Variants in CLCN6 observed in about 807,000 individuals in gnomAD.
The protein encoded by CLCN6 is Cl-/H+ antiporter 6.
A neutral mutation model predicts 109.8 loss-of-function variants in CLCN6; 70 were observed. The ratio of observed to expected loss-of-function variants is 0.64; its 90% confidence interval spans 0.53 to 0.78. The LOEUF is 0.78. Among genes scored for constraint, CLCN6 ranks in the 30% least tolerant of loss-of-function variants. CLCN6 has a pLI of 0.00. For missense variants in CLCN6, 984 were observed against 1,142.3 expected (o/e 0.86, Z 2.00); for synonymous variants, 444 against 447.8 (o/e 0.99, Z 0.11).
At chr1:11,828,358 G>T in intron 11 of CLCN6, 100 bp from the exon 12 acceptor site, 1 of 1,521,388 alleles carries the variant, frequency 6.6e-7, no homozygotes, top group South Asian at 1.1e-5. Flanking sequence ...CTGCCGTGCG[G>T]GAAAGCAGCC....
At chr1:11,837,549 G>A in intron 20 of CLCN6, 50 bp downstream of exon 20, 4 of 1,582,438 alleles carry the variant, frequency 2.5e-6, no homozygotes, top group Middle Eastern at 1.7e-4. Context: ...GACGAAGCTC[G>A]AGGGGTTGGG....
Position 11,816,674 on chromosome 1 carries a change from T to A in CLCN6, c.273T>A (p.Thr91=), listed in dbSNP as rs1383030482. ...WMVVFAIGVC[T]GLVGLFVDFF... ...TGGTGTTTGCCATTGGAGTCTGCAC[T>A]GGCCTGGTGAGGAGGCAGGGCCTGG... Residue 91 remains threonine (T), a synonymous_variant, in exon 4 of 23, where the codon ACT becomes ACA. Transcript: ENST00000346436. 1 of 1,612,576 alleles carries A rather than the reference T, an allele frequency of 6.2e-7. No individual in the cohort carries two copies. The highest frequency in any genetic ancestry group is 1.7e-5 in the Admixed American group (1 of 59,824).
At chr1:11,811,616 G>A (rs111889819) in intron 2 of CLCN6, among the ~76,000 whole-genome samples, 2 of 152,154 alleles carry the variant, frequency 1.3e-5, no homozygotes, top group African/African-American at 4.8e-5. Context: ...TCCTGGCCTC[G>A]GGTGATCCGC....
chr1:11,809,883 C>T lies in CLCN6; in HGVS notation c.147+2693C>T, dbSNP rs188897486. Among the ~76,000 whole-genome samples the T allele has an allele frequency of 4.4e-4, 67 of 152,288 alleles. 1 individual carries two copies. Among genetic ancestry groups the T allele is most frequent in the Admixed American group, 4.4e-3 (67 of 15,298 alleles). ...GTAAGAACAAATTCAGGCACTTAAACAGAAAAGTCTGGATTTTATTTATTC... is the reference window on the plus strand; with the variant it reads ...GTAAGAACAAATTCAGGCACTTAAATAGAAAAGTCTGGATTTTATTTATTC... On this transcript the variant is annotated intron_variant, in intron 2 of 22. Coordinates refer to ENST00000346436, the MANE Select transcript of CLCN6 (RefSeq NM_001286.5).
intron 6 of CLCN6, among the ~76,000 whole-genome samples, chr1:11,823,158 A>G (rs572011992): frequency 6.6e-6 from 1 of 152,320 alleles, no homozygotes; most frequent in Admixed American, 6.5e-5. Context: ...GCAATCCCTG[A>G]ACCTAAAATA....
intron 2 of CLCN6, among the ~76,000 whole-genome samples, chr1:11,809,372 C>T (rs1339585427): frequency 3.3e-5 from 5 of 152,162 alleles, no homozygotes; most frequent in African/African-American, 1.2e-4. Flanking sequence ...CACCCAGGCT[C>T]CCTCACCCCT....
chr1:11,806,314 T>A lies in CLCN6; in HGVS notation c.52T>A (p.Cys18Ser). 1.3e-6 allele frequency: 2 copies of A among 1,513,058 alleles called. No individual in the cohort carries two copies. The highest frequency in any genetic ancestry group is 8.7e-7 in the Non-Finnish European group (1 of 1,143,002). The allele number at this position is 1,513,058 out of a possible 1,614,324, so 93.7% of individuals were successfully genotyped here. ...CTGCTGCTGCAGGTGGTGCTGCTGC[T>A]GCGGTGAGCGTGAGACCCGCACCCC... ...LCCCCRWCCCCGERETRTPEE... is the reference protein window; with the variant it reads ...LCCCCRWCCCSGERETRTPEE... The change falls in exon 1 of 23, where the codon TGC becomes AGC. Residue 18 changes from cysteine (C) to serine (S), a missense_variant. Coordinates refer to ENST00000346436, the MANE Select transcript of CLCN6 (RefSeq NM_001286.5).
intron 13 of CLCN6, among the ~76,000 whole-genome samples, chr1:11,830,744 T>C (rs1358954282): frequency 9.6e-6 from 1 of 104,010 alleles, no homozygotes; most frequent in African/African-American, 3.6e-5. Flanking sequence ...ATATTATATA[T>C]ATATATATAT....
rs1644508786 is a variant in CLCN6 at position 11,806,353 on chromosome 1, A to G, written c.87+4A>G. 2 of 1,514,416 alleles carry G rather than the reference A, an allele frequency of 1.3e-6. No individual in the cohort carries two copies. The highest frequency in any genetic ancestry group is 2.7e-5 in the East Asian group (1 of 36,742). The allele number at this position is 1,514,416 out of a possible 1,614,324, so 93.8% of individuals were successfully genotyped here. A position where few individuals can be genotyped will look rare whatever the true frequency, so the allele number is the denominator to read the frequency against. On this transcript the variant is annotated splice_donor_region_variant and intron_variant, in intron 1 of 22. Coordinates refer to ENST00000346436, the MANE Select transcript of CLCN6 (RefSeq NM_001286.5). ...GACCCGCACCCCCGAGGAGCTGGTA[A>G]GAAGCCGGCGGAGTCGGCCTGGGGA... is the stretch of plus-strand genomic sequence containing the variant.
chr1:11,834,327 C>T lies in CLCN6; in HGVS notation c.1618C>T (p.Leu540Phe), dbSNP rs1221788114. 4.3e-6 allele frequency: 7 copies of T among 1,614,032 alleles called. No homozygotes were observed. The highest frequency in any genetic ancestry group is 1.3e-5 in the African/African-American group (1 of 74,906). ...CGGGGTGGTCCGCATGACCATCAGC[C>T]TCACGGTCATCCTGATCGAGTCCAC... ...LGGVVRMTIS[L>F]TVILIESTNE... The change falls in exon 16 of 23, where the codon CTC becomes TTC. Residue 540 changes from leucine to phenylalanine, a missense_variant. Physicochemically the swap from Leu to Phe is conservative, Grantham distance 22. Coordinates refer to ENST00000346436, the MANE Select transcript of CLCN6 (RefSeq NM_001286.5). This position sits in a 1 kb window ranked among gnomAD's most constrained non-coding sequence, Gnocchi z 4.5.
chr1:11,834,146 G>A lies in CLCN6; in HGVS notation c.1527-90G>A. ...TGTCTGTGCCCATGCATGCACATAT[G>A]TGCATAGGCACAAGAGTATGAGCTG... is the stretch of plus-strand genomic sequence containing the variant. On this transcript the variant is annotated intron_variant, in intron 15 of 22. Transcript: ENST00000346436. The surrounding 1 kb of genome is among the most constrained non-coding windows in gnomAD (Gnocchi z 4.5). The A allele has an allele frequency of 1.9e-6, 3 of 1,595,622 alleles. No homozygotes were observed. The highest frequency in any genetic ancestry group is 1.8e-5 in the Admixed American group (1 of 56,844).
Position 11,828,176 on chromosome 1 carries a change from G to C in CLCN6, c.911G>C (p.Gly304Ala). ...TCTGGGATTCAGTTTGGAAGCTGGGGTTCCTTCCAGCTCCCTGGATTGCTG... is the reference window on the plus strand; with the variant it reads ...TCTGGGATTCAGTTTGGAAGCTGGGCTTCCTTCCAGCTCCCTGGATTGCTG... The part of the protein sequence containing the change: ...FRSGIQFGSW[G>A]SFQLPGLLNF... Residue 304 changes from glycine to alanine, a missense_variant, in exon 11 of 23, where the codon GGT becomes GCT. By Grantham distance (60) the Gly-to-Ala change is moderately conservative. Transcript: ENST00000346436. The C allele has an allele frequency of 6.2e-7, 1 of 1,614,164 alleles. No individual in the cohort carries two copies. The highest frequency in any genetic ancestry group is 8.5e-7 in the Non-Finnish European group (1 of 1,180,006).
At position 11,833,867 on chromosome 1, in the gene CLCN6, T is replaced by C; in HGVS notation, c.1373-10T>C. On this transcript the variant is annotated splice_polypyrimidine_tract_variant and intron_variant, in intron 14 of 22. Transcript: ENST00000346436. Reference sequence around the variant, plus strand: ...CGGTAGTGGGACTCAGGTTGGCTCTTCCCTTGCAGGTACTTTCAGCCCCGT... The same window carrying C: ...CGGTAGTGGGACTCAGGTTGGCTCTCCCCTTGCAGGTACTTTCAGCCCCGT... 2.5e-6 allele frequency: 4 copies of C among 1,606,974 alleles called. No homozygotes were observed. Among genetic ancestry groups the C allele is most frequent in the Non-Finnish European group, 3.4e-6 (4 of 1,176,724 alleles).
chr1:11,823,902 T>G (rs2100632909), intron 7 of CLCN6, 69 bp downstream of exon 7: 4 of 1,591,964 alleles, frequency 2.5e-6, no homozygotes, highest in Non-Finnish European at 3.4e-6. Flanking sequence ...ATGATGTATT[T>G]CAGTTATTAG....
chr1:11,833,509 T>C lies in CLCN6; in HGVS notation c.1249-6T>C, dbSNP rs1294309571. 3 of 1,613,744 alleles carry C rather than the reference T, an allele frequency of 1.9e-6. No individual in the cohort carries two copies. The highest frequency in any genetic ancestry group is 2.5e-6 in the Non-Finnish European group (3 of 1,179,880). On this transcript the variant is annotated splice_polypyrimidine_tract_variant and splice_region_variant and intron_variant, in intron 13 of 22. Transcript: ENST00000346436. ...TTGTACTGATTTTCTGATTCCTTCT[T>C]CTCAGGTCACAGAAGATGTGAATTC...
At chr1:11,824,577 G>A in intron 8 of CLCN6, 24 bp downstream of exon 8, 1 of 1,604,244 alleles carries the variant, frequency 6.2e-7, no homozygotes, top group Non-Finnish European at 8.5e-7. Context: ...AGAGGGTGTG[G>A]GCCTCTGGGC....
At chr1:11,823,591 G>A (rs544510276) in intron 6 of CLCN6, 116 bp from the exon 7 acceptor site, 25 of 1,387,936 alleles carry the variant, frequency 1.8e-5, no homozygotes, top group Non-Finnish European at 2.4e-5. Context: ...TCCAGGTGAC[G>A]CTCACGCTGC....
intron 10 of CLCN6, among the ~76,000 whole-genome samples, chr1:11,827,430 C>CTGTTTTTTTTTTTTTTTTTTTTTT (rs1644827637): frequency 9.5e-6 from 1 of 105,020 alleles, no homozygotes; most frequent in Non-Finnish European, 1.9e-5. Flanking sequence ...ACCGCTGTTA[C>CTGTTTTTTTTTTTTTTTTTTTTTT]TTTTTTTTTT....
chr1:11,832,333 C>A (rs1198833218), intron 13 of CLCN6, among the ~76,000 whole-genome samples: 1 of 152,244 alleles, frequency 6.6e-6, no homozygotes, highest in Non-Finnish European at 1.5e-5. Context: ...TTTTAGCAGA[C>A]ACACTGATTT....
Sources: allele counts gnomAD v4.1 joint callset (sites outside exome capture counted in the v4.1 genomes callset), GRCh38; gene constraint gnomAD v4.1.1; non-coding constraint Gnocchi (gnomAD v3.1); transcripts MANE v1.5; gene names NCBI Gene and HGNC (gene_info 2026-07-23, HGNC 2026-07-21).